CFAP44: variants seen among roughly 807,000 people sequenced by gnomAD.
CFAP44 encodes the protein cilia and flagella associated protein 44, also known as cilia- and flagella-associated protein 44.
In CFAP44, 134 loss-of-function variants were observed where a neutral mutation model predicts 216.2. The ratio of observed to expected loss-of-function variants is 0.62; its 90% CI spans 0.54 to 0.72. CFAP44 has a LOEUF of 0.72. CFAP44 is among the 30% of genes least tolerant of loss of function. The pLI, the probability that CFAP44 is intolerant of heterozygous loss-of-function variation, is 0.00. For synonymous variants in CFAP44, 700 were observed against 727.6 expected (o/e 0.96, Z 0.61); for missense variants, 2,035 against 2,182.1 (o/e 0.93, Z 1.34).
chr3:113,366,954 A>T (rs1932956135), intron 18 of CFAP44, among the ~76,000 whole-genome samples: 1 of 152,068 alleles, frequency 6.6e-6, no homozygotes, highest in African/African-American at 2.4e-5. Flanking sequence ...AGCTTTGCTC[A>T]CTGCTAGCAC....
Position 113,326,535 on chromosome 3 carries a change from CAATGGCTGCTTG to C in CFAP44, c.4414_4425del (p.Gln1472_Ile1475del), listed in dbSNP as rs1950191087. The C allele has an allele frequency of 2.0e-6, 3 of 1,531,384 alleles. No individual in the cohort carries two copies. Among genetic ancestry groups the C allele is most frequent in the Non-Finnish European group, 2.6e-6 (3 of 1,144,488 alleles). The allele number at this position is 1,531,384 out of a possible 1,614,324, so 94.9% of individuals were successfully genotyped here. A position where few individuals can be genotyped will look rare whatever the true frequency, so the allele number is the denominator to read the frequency against. On this transcript the variant is annotated inframe_deletion, in exon 28 of 35. Transcript: ENST00000393845. ...AAGTTTGCAAATTTATTGTTTTCTCCAATGGCTGCTTGAAAACCAGCATAGAGTGCCTTTTCT... is the reference window on the plus strand; with the variant it reads ...AAGTTTGCAAATTTATTGTTTTCTCCAAAACCAGCATAGAGTGCCTTTTCT...
intron 11 of CFAP44, 86 bp downstream of exon 11, chr3:113,401,154 G>T: frequency 4.0e-6 from 5 of 1,264,718 alleles, no homozygotes; most frequent in Non-Finnish European, 5.5e-6. Context: ...ATGAAATATG[G>T]AGAAAGATAA....
At chr3:113,423,337 A>T (rs1362989147) in intron 4 of CFAP44, among the ~76,000 whole-genome samples, 2 of 151,180 alleles carry the variant, frequency 1.3e-5, no homozygotes, top group Non-Finnish European at 2.9e-5. Context: ...CTGGTCTCGC[A>T]CTCCTGAGCT....
intron 26 of CFAP44, among the ~76,000 whole-genome samples, chr3:113,329,902 T>G (rs1268140159): frequency 6.6e-6 from 1 of 152,098 alleles, no homozygotes; most frequent in South Asian, 2.1e-4. Flanking sequence ...GCCAAGTAAC[T>G]GAAACATGGG....
At position 113,327,603 on chromosome 3, in the gene CFAP44, T is replaced by C; in HGVS notation, c.4320+13A>G. The C allele has an allele frequency of 6.5e-7, 1 of 1,530,922 alleles. No individual in the cohort carries two copies. The highest frequency in any genetic ancestry group is 1.7e-4 in the Middle Eastern group (1 of 5,960). 94.8% of individuals were successfully genotyped at this position (1,530,922 alleles called of 1,614,324 possible). A position where few individuals can be genotyped will look rare whatever the true frequency, so the allele number is the denominator to read the frequency against. On this transcript the variant is annotated intron_variant, in intron 27 of 34. Coordinates refer to ENST00000393845, the MANE Select transcript of CFAP44 (RefSeq NM_001164496.2). ...AGGGACCAGCCAGCTAGGATTCTTC[T>C]GCCCACTCATACTTGCATGTACTGT...
chr3:113,317,429 C>T (rs946363934), intron 28 of CFAP44, among the ~76,000 whole-genome samples: 3 of 151,386 alleles, frequency 2.0e-5, no homozygotes, highest in Non-Finnish European at 4.4e-5. Context: ...CACATCTTCT[C>T]TGCAAGCCCT....
chr3:113,438,206 A>C (rs1053719057), intron 1 of CFAP44, among the ~76,000 whole-genome samples: 22 of 152,216 alleles, frequency 1.4e-4, no homozygotes, highest in African/African-American at 4.6e-4. Context: ...TCTCTTTGAC[A>C]CATGTAGGGT....
intron 19 of CFAP44, among the ~76,000 whole-genome samples, chr3:113,363,795 C>T (rs1950564173): frequency 6.6e-6 from 1 of 152,044 alleles, no homozygotes; most frequent in Admixed American, 6.5e-5. Flanking sequence ...TGTTAATATC[C>T]CCATAATTTC....
intron 1 of CFAP44, among the ~76,000 whole-genome samples, chr3:113,438,029 T>C (rs1403856892): frequency 6.6e-6 from 1 of 152,216 alleles, no homozygotes; most frequent in Non-Finnish European, 1.5e-5. Context: ...TTGACTGCAC[T>C]TTGCAATCAC....
intron 6 of CFAP44, among the ~76,000 whole-genome samples, chr3:113,411,400 G>GTTTATT (rs1934467600): frequency 6.6e-6 from 1 of 152,022 alleles, no homozygotes; most frequent in East Asian, 1.9e-4. Flanking sequence ...TATTAAATAG[G>GTTTATT]GAATCCTTTC....
intron 24 of CFAP44, among the ~76,000 whole-genome samples, chr3:113,334,261 G>C (rs1950264003): frequency 6.6e-6 from 1 of 152,088 alleles, no homozygotes; most frequent in Non-Finnish European, 1.5e-5. Flanking sequence ...ATTAAACTTT[G>C]TAATTGCATA....
At chr3:113,410,203 GGTTT>G (rs1034096322) in intron 6 of CFAP44, among the ~76,000 whole-genome samples, 2 of 151,984 alleles carry the variant, frequency 1.3e-5, no homozygotes, top group African/African-American at 4.8e-5. Context: ...ACAACGTGCA[GGTTT>G]GTTACATATG....
intron 1 of CFAP44, among the ~76,000 whole-genome samples, chr3:113,436,058 T>C (rs16860962): frequency 0.029 from 4,420 of 152,168 alleles, 113 homozygotes; most frequent in East Asian, 0.1. Flanking sequence ...AACCTGTAAG[T>C]AGCAAAATCT....
chr3:113,342,510 A>G (rs909778761), intron 23 of CFAP44, among the ~76,000 whole-genome samples: 1 of 152,286 alleles, frequency 6.6e-6, no homozygotes, highest in African/African-American at 2.4e-5. Flanking sequence ...ATTAGAGAAC[A>G]TGATAAATGA....
At chr3:113,316,447 T>C (rs747352740) in intron 28 of CFAP44, among the ~76,000 whole-genome samples, 7 of 151,626 alleles carry the variant, frequency 4.6e-5, no homozygotes, top group African/African-American at 4.9e-5. Context: ...AGAGCAGAAA[T>C]CAATGAAATT....
At chr3:113,374,956 G>C (rs1033866124) in intron 17 of CFAP44, among the ~76,000 whole-genome samples, 1 of 152,114 alleles carries the variant, frequency 6.6e-6, no homozygotes, top group Admixed American at 6.5e-5. Context: ...ATTTATGACT[G>C]AGTATATAAG....
chr3:113,387,577 T>G (rs1041647369), intron 15 of CFAP44, among the ~76,000 whole-genome samples: 2 of 152,040 alleles, frequency 1.3e-5, no homozygotes, highest in African/African-American at 4.8e-5. Flanking sequence ...TGGATGAGAC[T>G]CTGGGACAAG....
intron 22 of CFAP44, among the ~76,000 whole-genome samples, chr3:113,351,669 GA>G (rs1044813708): frequency 3.3e-4 from 50 of 152,272 alleles, no homozygotes; most frequent in African/African-American, 1.2e-3. Flanking sequence ...GCATTTACAG[GA>G]AAAGGCTTCT....
At chr3:113,415,941 T>A (rs1934633166) in intron 6 of CFAP44, among the ~76,000 whole-genome samples, 1 of 152,186 alleles carries the variant, frequency 6.6e-6, no homozygotes, top group African/African-American at 2.4e-5. Flanking sequence ...CTCATTGATT[T>A]AATATTGACA....
Sources: gnomAD v4.1 joint callset for allele counts (sites outside exome capture counted in the v4.1 genomes callset) on GRCh38, gnomAD v4.1.1 for gene constraint, MANE v1.5 for transcripts, NCBI Gene and HGNC (gene_info 2026-07-23, HGNC 2026-07-21) for gene names.